The following WDPCP variants were observed in gnomAD, a reference collection of about 807,000 sequenced individuals.
WDPCP encodes the protein WD repeat containing planar cell polarity effector.
A neutral mutation model predicts 93.1 loss-of-function variants in WDPCP; 71 were observed. The ratio of observed to expected loss-of-function variants is 0.76; its 90% confidence interval spans 0.63 to 0.93. The LOEUF (loss-of-function observed/expected upper bound fraction) is 0.93. WDPCP is among the 40% of genes least tolerant of loss of function. WDPCP has a pLI of 0.00. For synonymous variants in WDPCP, 315 were observed against 315.0 expected (o/e 1.00, Z 0.00); for missense variants, 844 against 887.4 (o/e 0.95, Z 0.62).
At chr2:63,325,157 C>T (rs753570279) in intron 12 of WDPCP, among the ~76,000 whole-genome samples, 9 of 152,182 alleles carry the variant, frequency 5.9e-5, no homozygotes, top group Non-Finnish European at 1.2e-4. Flanking sequence ...CAGAGAAATG[C>T]TGCAGCCTTT....
Position 63,121,366 on chromosome 2 carries a change from T to C in WDPCP, c.*640A>G, listed in dbSNP as rs1669534945. ...AACAAGAGCAGAAGAGGACTTTCTT[T>C]CTTTCTTTTCTTTCTTTTTTTTTTT... On this transcript the variant is annotated 3_prime_UTR_variant, in exon 18 of 18. Transcript: ENST00000272321. The C allele has an allele frequency of 7.2e-6, 1 of 139,034 alleles. No individual in the cohort carries two copies. Among genetic ancestry groups the C allele is most frequent in the Non-Finnish European group, 1.5e-5 (1 of 66,374 alleles). The allele number at this position is 139,034 out of a possible 1,614,324, so 8.6% of individuals were successfully genotyped here.
intron 14 of WDPCP, among the ~76,000 whole-genome samples, chr2:63,258,503 C>T (rs893144065): frequency 5.9e-5 from 9 of 151,840 alleles, no homozygotes; most frequent in African/African-American, 2.2e-4. Context: ...CAAGATCTGT[C>T]AATGGAAAGG....
chr2:63,781,451 T>C (rs1239722920), intron 2 of WDPCP, among the ~76,000 whole-genome samples: 2 of 152,222 alleles, frequency 1.3e-5, no homozygotes, highest in Non-Finnish European at 2.9e-5. Context: ...TCATTCATTT[T>C]TGAGAAGTAC....
upstream of WDPCP, among the ~76,000 whole-genome samples, chr2:63,830,450 T>C (rs930414018): frequency 2.0e-5 from 3 of 152,098 alleles, no homozygotes; most frequent in Admixed American, 2.0e-4. Flanking sequence ...TCCCTAAATG[T>C]TTTGTTTGTC....
At chr2:63,426,967 C>T (rs978165436) in intron 9 of WDPCP, among the ~76,000 whole-genome samples, 1 of 152,024 alleles carries the variant, frequency 6.6e-6, no homozygotes, top group Admixed American at 6.6e-5. Flanking sequence ...CAGACTTTAA[C>T]AATAGTCGAG....
chr2:63,323,081 G>T (rs1008450733), intron 12 of WDPCP, among the ~76,000 whole-genome samples: 4 of 152,214 alleles, frequency 2.6e-5, no homozygotes, highest in Non-Finnish European at 5.9e-5. Flanking sequence ...CGACAGAGAG[G>T]AAAGCCATTC....
At chr2:63,700,846 T>G (rs1473296938) in intron 2 of WDPCP, among the ~76,000 whole-genome samples, 2 of 152,208 alleles carry the variant, frequency 1.3e-5, no homozygotes, top group African/African-American at 4.8e-5. Flanking sequence ...GACCTCTATC[T>G]CTCACTATAT....
At chr2:63,787,711 TATGGAACCA>T (rs1441455043) in intron 2 of WDPCP, among the ~76,000 whole-genome samples, 1 of 152,202 alleles carries the variant, frequency 6.6e-6, no homozygotes, top group African/African-American at 2.4e-5. Context: ...ATTACTAAAC[TATGGAACCA>T]AAATACTACA....
chr2:63,329,910 T>G (rs1417994173), intron 12 of WDPCP, among the ~76,000 whole-genome samples: 1 of 152,186 alleles, frequency 6.6e-6, no homozygotes, highest in Non-Finnish European at 1.5e-5. Flanking sequence ...TTGTTGTAAG[T>G]AACAGGATTT....
chr2:63,644,123 T>TC, intron 3 of WDPCP: 1 of 337,294 alleles, frequency 3.0e-6, no homozygotes, highest in Non-Finnish European at 5.8e-6. Context: ...AATTTTTGCA[T>TC]CAATGTTCAT....
Position 63,689,362 on chromosome 2 carries a change from A to G in WDPCP, n.309-38524T>C, listed in dbSNP as rs576001941. 2.6e-5 allele frequency among the ~76,000 whole-genome samples: 4 copies of G among 152,374 alleles called. No homozygotes were observed. In the East Asian group the frequency reaches 7.7e-4, roughly 29 times the overall value. The stretch of plus-strand genomic sequence containing the variant: ...TCTAACTTCAGAAAAGAAACTAAGC[A>G]TCAGACTCTTTGATGCTGTTTTCTC... On this transcript the variant is annotated intron_variant and non_coding_transcript_variant, in intron 2 of 4. Coordinates refer to the WDPCP transcript ENST00000467687.
chr2:63,154,027 C>T (rs1672063908), intron 15 of WDPCP, among the ~76,000 whole-genome samples: 1 of 151,614 alleles, frequency 6.6e-6, no homozygotes, highest in South Asian at 2.1e-4. Context: ...ATATAAATAT[C>T]CAGAGTTGTT....
intron 1 of WDPCP, among the ~76,000 whole-genome samples, chr2:63,823,038 GT>G (rs1671046877): frequency 6.6e-6 from 1 of 151,446 alleles, no homozygotes; most frequent in Admixed American, 6.6e-5. Flanking sequence ...CTGATACCAA[GT>G]TTTTTGTCTT....
At chr2:63,340,335 C>T (rs915517882) in intron 12 of WDPCP, among the ~76,000 whole-genome samples, 4 of 152,140 alleles carry the variant, frequency 2.6e-5, no homozygotes, top group Admixed American at 2.6e-4. Context: ...TCCAAGGGAC[C>T]TGTGAAACAT....
At chr2:63,138,501 G>A (rs1670806690) in intron 17 of WDPCP, among the ~76,000 whole-genome samples, 1 of 150,646 alleles carries the variant, frequency 6.6e-6, no homozygotes, top group Non-Finnish European at 1.5e-5. Context: ...GCCCAGGCTG[G>A]AGTGCAGTGG....
intron 13 of WDPCP, among the ~76,000 whole-genome samples, chr2:63,271,226 G>A (rs1682609930): frequency 6.6e-6 from 1 of 152,234 alleles, no homozygotes; most frequent in Non-Finnish European, 1.5e-5. Context: ...ACTGACAGCA[G>A]CCCTTCCTTG....
chr2:63,240,461 A>C (rs1011308471), intron 14 of WDPCP, among the ~76,000 whole-genome samples: 1 of 152,176 alleles, frequency 6.6e-6, no homozygotes, highest in South Asian at 2.1e-4. Flanking sequence ...TACAGGCATG[A>C]ACCACCATGA....
intron 6 of WDPCP, chr2:63,442,252 C>T (rs531193918): frequency 6.6e-6 from 1 of 152,286 alleles, no homozygotes; most frequent in East Asian, 1.9e-4. Context: ...ACCTCTCTGT[C>T]CCTTCATTTC....
intron 3 of WDPCP, among the ~76,000 whole-genome samples, chr2:63,596,116 A>G (rs1709307794): frequency 1.3e-5 from 2 of 152,246 alleles, no homozygotes; most frequent in Admixed American, 1.3e-4. Flanking sequence ...CACAGATATA[A>G]TAAGGAAGCC....
Sources: gnomAD v4.1 joint callset for allele counts (sites outside exome capture counted in the v4.1 genomes callset) on GRCh38, gnomAD v4.1.1 for gene constraint, MANE v1.5 for transcripts, NCBI Gene and HGNC (gene_info 2026-07-23, HGNC 2026-07-21) for gene names.